Variants in NCOA3 observed in about 807,000 individuals in gnomAD.
NCOA3 encodes the protein CBP-interacting protein.
Under a neutral mutation model 158.8 loss-of-function variants are expected in NCOA3, and 51 were observed. That is an observed-to-expected ratio of 0.32 (90% CI 0.26 to 0.41). The LOEUF (loss-of-function observed/expected upper bound fraction) is 0.41, where lower values mean the gene tolerates loss of function less well. Ranked by LOEUF, NCOA3 falls within the 10% of genes least tolerant of loss-of-function variation. NCOA3 has a pLI of 1.00. For missense variants in NCOA3, 1,510 were observed against 1,746.6 expected (o/e 0.86, Z 2.41); for synonymous variants, 537 against 592.4 (o/e 0.91, Z 1.36).
At chr20:47,570,911 G>A (rs141613841) in intron 1 of NCOA3, among the ~76,000 whole-genome samples, 46 of 147,278 alleles carry the variant, frequency 3.1e-4, no homozygotes, top group East Asian at 1.6e-3. Context: ...GGGTGACCAC[G>A]TGCACCGTTA....
chr20:47,613,663 A>G (rs2086079964), intron 2 of NCOA3, among the ~76,000 whole-genome samples: 1 of 152,164 alleles, frequency 6.6e-6, no homozygotes, highest in African/African-American at 2.4e-5. Flanking sequence ...CTGTAATCCC[A>G]GCACTTTGGG....
chr20:47,640,576 T>C (rs1379788361), intron 16 of NCOA3, among the ~76,000 whole-genome samples: 1 of 152,122 alleles, frequency 6.6e-6, no homozygotes, highest in Non-Finnish European at 1.5e-5. Flanking sequence ...ATCTTTAAAA[T>C]TTTTCATAAA....
intron 2 of NCOA3, among the ~76,000 whole-genome samples, chr20:47,603,049 T>A (rs1443624373): frequency 1.3e-5 from 2 of 152,200 alleles, no homozygotes; most frequent in Non-Finnish European, 2.9e-5. Flanking sequence ...CCTTTCCTAA[T>A]AAGAGTTCCG....
intron 8 of NCOA3, among the ~76,000 whole-genome samples, chr20:47,631,939 A>G (rs6018601): frequency 1.2e-4 from 19 of 152,278 alleles, no homozygotes; most frequent in African/African-American, 4.3e-4. Flanking sequence ...ATTTTTTTCT[A>G]CACTAACCAG....
At chr20:47,593,242 G>A (rs1223297873) in intron 2 of NCOA3, among the ~76,000 whole-genome samples, 2 of 148,786 alleles carry the variant, frequency 1.3e-5, no homozygotes, top group South Asian at 2.1e-4. Flanking sequence ...CACCACATAC[G>A]TTTTAAAATC....
chr20:47,642,081 C>T (rs2086620884), intron 16 of NCOA3, 132 bp from the exon 17 acceptor site: 5 of 706,698 alleles, frequency 7.1e-6, no homozygotes, highest in Non-Finnish European at 1.1e-5. Flanking sequence ...TCTTTTTTAC[C>T]ACTTGGTTTA....
chr20:47,549,709 TCTC>T (rs2084899602), intron 1 of NCOA3, among the ~76,000 whole-genome samples: 1 of 152,108 alleles, frequency 6.6e-6, no homozygotes, highest in Non-Finnish European at 1.5e-5. Context: ...TCTTCTTTCT[TCTC>T]TTTTTTGGGG....
intron 2 of NCOA3, among the ~76,000 whole-genome samples, chr20:47,596,106 G>T (rs889461381): frequency 1.5e-4 from 23 of 152,184 alleles, no homozygotes; most frequent in African/African-American, 5.3e-4. Flanking sequence ...CGGTCAGTTC[G>T]TATAGTGTAC....
intron 1 of NCOA3, among the ~76,000 whole-genome samples, chr20:47,575,700 C>G (rs1024076474): frequency 6.6e-6 from 1 of 152,090 alleles, no homozygotes; most frequent in Non-Finnish European, 1.5e-5. Flanking sequence ...AATGGTGGTG[C>G]CTACAGGGTA....
chr20:47,616,140 C>T (rs1725926518), intron 2 of NCOA3, among the ~76,000 whole-genome samples: 1 of 138,222 alleles, frequency 7.2e-6, no homozygotes, highest in Admixed American at 7.4e-5. Context: ...CCGCCCCCCG[C>T]CCCCACCCCC....
At chr20:47,564,370 G>A (rs1316107233) in intron 1 of NCOA3, among the ~76,000 whole-genome samples, 3 of 151,774 alleles carry the variant, frequency 2.0e-5, no homozygotes, top group African/African-American at 7.3e-5. Context: ...GTTGTTGGAT[G>A]TCCTTTATTT....
intron 2 of NCOA3, among the ~76,000 whole-genome samples, chr20:47,589,785 A>C (rs1301684597): frequency 2.6e-5 from 4 of 152,112 alleles, no homozygotes; most frequent in African/African-American, 9.7e-5. Flanking sequence ...ATTTGGATGA[A>C]GTCATCTCTT....
At chr20:47,554,289 C>T (rs2084968316) in intron 1 of NCOA3, among the ~76,000 whole-genome samples, 1 of 151,958 alleles carries the variant, frequency 6.6e-6, no homozygotes, top group South Asian at 2.1e-4. Context: ...ATTGTAGATT[C>T]TGGATATTAG....
At position 47,649,017 on chromosome 20, in the gene NCOA3, A is replaced by G; in HGVS notation, c.3559A>G (p.Ser1187Gly). The G allele has an allele frequency of 2.5e-6, 4 of 1,613,036 alleles. No homozygotes were observed. The highest frequency in any genetic ancestry group is 2.5e-6 in the Non-Finnish European group (3 of 1,179,236). The change falls in exon 19 of 23, where the codon AGC becomes GGC. Residue 1187 changes from serine to glycine, a missense_variant. Ser to Gly is a moderately conservative substitution (Grantham distance 56). This residue lies in a region of NCOA3 where 1,017 missense variants were observed against 1,098.3 expected (regional missense o/e 0.93). Transcript: ENST00000371998. Reference protein sequence around the residue: ...RLQGQQFLNQSRQALELKMEN... With the variant: ...RLQGQQFLNQGRQALELKMEN... Reference sequence around the variant, plus strand: ...TGTCTCACCTCAGTTTTTGAATCAGAGCCGACAGGCACTTGAATTGAAAAT... The same window carrying G: ...TGTCTCACCTCAGTTTTTGAATCAGGGCCGACAGGCACTTGAATTGAAAAT...
chr20:47,569,340 C>G (rs577580443), intron 1 of NCOA3, among the ~76,000 whole-genome samples: 3 of 150,536 alleles, frequency 2.0e-5, no homozygotes, highest in African/African-American at 7.3e-5. Flanking sequence ...GAGCCAGACC[C>G]TATCTCCCCA....
intron 2 of NCOA3, among the ~76,000 whole-genome samples, chr20:47,617,048 C>T (rs1056566581): frequency 6.6e-6 from 1 of 152,076 alleles, no homozygotes; most frequent in Non-Finnish European, 1.5e-5. Context: ...TTCTGCCTCT[C>T]GGGTTTAAGC....
At chr20:47,639,367 C>T (rs2086567313) in intron 14 of NCOA3, among the ~76,000 whole-genome samples, 165 bp downstream of exon 14, 1 of 152,174 alleles carries the variant, frequency 6.6e-6, no homozygotes, top group Non-Finnish European at 1.5e-5. Flanking sequence ...TATGTAAACT[C>T]TTCAAGAGTC....
chr20:47,647,466 T>C (rs2086708383), intron 18 of NCOA3, 100 bp downstream of exon 18: 1 of 1,127,866 alleles, frequency 8.9e-7, no homozygotes. Flanking sequence ...CCCTGTCAAC[T>C]AAAGAAATTC....
intron 1 of NCOA3, among the ~76,000 whole-genome samples, chr20:47,550,436 C>T (rs1170367278): frequency 8.2e-6 from 1 of 121,954 alleles, no homozygotes; most frequent in East Asian, 2.4e-4. Flanking sequence ...AAGAGCAAAA[C>T]TCCGTCTCAG....
Sources: gnomAD v4.1 joint callset for allele counts (sites outside exome capture counted in the v4.1 genomes callset) on GRCh38, gnomAD v4.1.1 for gene constraint, gnomAD v4.1.1 regional missense constraint, MANE v1.5 for transcripts, NCBI Gene and HGNC (gene_info 2026-07-23, HGNC 2026-07-21) for gene names.